The following RBFOX1 variants were observed in gnomAD, a reference collection of about 807,000 sequenced individuals.
The protein encoded by RBFOX1 is RNA binding fox-1 homolog 1.
RBFOX1 carries 8 observed loss-of-function variants against 57.7 expected under a neutral mutation model. That is an observed-to-expected ratio of 0.14 (90% confidence interval 0.08 to 0.25). RBFOX1 has a LOEUF of 0.25. RBFOX1 is among the 10% of genes least tolerant of loss of function. The pLI, the probability that RBFOX1 is intolerant of heterozygous loss-of-function variation, is 1.00. For missense variants in RBFOX1, 611 were observed against 548.5 expected (o/e 1.11, Z -1.14); for synonymous variants, 326 against 222.4 (o/e 1.47, Z -4.15).
intron 3 of RBFOX1, among the ~76,000 whole-genome samples, chr16:5,856,485 C>T (rs1191061953): frequency 1.5e-5 from 2 of 132,926 alleles, no homozygotes; most frequent in African/African-American, 5.6e-5. Context: ...GCTTATCCTA[C>T]GTAACTGAAA....
At chr16:7,319,762 G>C (rs2096511316) in intron 4 of RBFOX1, among the ~76,000 whole-genome samples, 2 of 152,132 alleles carry the variant, frequency 1.3e-5, no homozygotes, top group African/African-American at 4.8e-5. Context: ...AGTAGGATTT[G>C]GGATCGGGCA....
At chr16:7,374,224 A>G (rs1043033577) in intron 4 of RBFOX1, among the ~76,000 whole-genome samples, 1 of 152,092 alleles carries the variant, frequency 6.6e-6, no homozygotes, top group African/African-American at 2.4e-5. Flanking sequence ...GGGGTCAAAT[A>G]TTTACCATCC....
At chr16:6,110,195 C>CTTT (rs3049169) in intron 1 of RBFOX1, among the ~76,000 whole-genome samples, 4,256 of 128,190 alleles carry the variant, frequency 0.033, 173 homozygotes, top group African/African-American at 0.086. Flanking sequence ...TTTTCTTCTT[C>CTTT]TTTTTTTTTT....
intron 4 of RBFOX1, among the ~76,000 whole-genome samples, chr16:7,064,635 G>A (rs575132292): frequency 1.3e-5 from 2 of 152,248 alleles, no homozygotes; most frequent in African/African-American, 4.8e-5. Flanking sequence ...AGCACTGTGG[G>A]GAAGTAAATT....
intron 2 of RBFOX1, among the ~76,000 whole-genome samples, chr16:6,326,870 C>A (rs1375889431): frequency 6.6e-6 from 1 of 152,186 alleles, no homozygotes; most frequent in African/African-American, 2.4e-5. Flanking sequence ...ACAGCCGGTG[C>A]AGGTGTGGCT....
chr16:6,220,182 G>T (rs1310939643), intron 1 of RBFOX1, among the ~76,000 whole-genome samples: 1 of 151,874 alleles, frequency 6.6e-6, no homozygotes, highest in Non-Finnish European at 1.5e-5. Flanking sequence ...ATACATCTCT[G>T]TGTGTCTGTG....
At chr16:6,669,380 T>A (rs1170101279) in intron 3 of RBFOX1, among the ~76,000 whole-genome samples, 1 of 152,196 alleles carries the variant, frequency 6.6e-6, no homozygotes, top group African/African-American at 2.4e-5. Context: ...TATTTTTGCA[T>A]AAAGCCATAA....
At chr16:5,353,869 G>A (rs1338274419) in intron 1 of RBFOX1, among the ~76,000 whole-genome samples, 4 of 152,104 alleles carry the variant, frequency 2.6e-5, no homozygotes, top group Admixed American at 2.6e-4. Flanking sequence ...ACAAGACATG[G>A]CCTTTGCTCT....
At chr16:7,155,989 T>G (rs2077033794) in intron 4 of RBFOX1, among the ~76,000 whole-genome samples, 1 of 151,182 alleles carries the variant, frequency 6.6e-6, no homozygotes, top group African/African-American at 2.4e-5. Context: ...TACAGATATG[T>G]TTTATATATA....
intron 1 of RBFOX1, among the ~76,000 whole-genome samples, chr16:5,415,192 T>C (rs1239382745): frequency 1.3e-5 from 2 of 152,106 alleles, no homozygotes; most frequent in African/African-American, 4.8e-5. Context: ...TAACTTGCAG[T>C]TCTATGTGGC....
chr16:7,630,660 G>T lies in RBFOX1; in HGVS notation c.734G>T (p.Ser245Ile). ...GGATCTTCCATGTACAGTGCCCCCA[G>T]TTCACTTGTATATACTTCTGCAAGT... ...QEGSSMYSAP[S>I]SLVYTSAMPG... Residue 245 changes from serine to isoleucine, a missense_variant, in exon 11 of 16, where the codon AGT becomes ATT. Ser to Ile is a moderately radical substitution (Grantham distance 142). Around this residue, in one of 3 missense-constraint regions of RBFOX1, gnomAD observed 267 missense variants for 229.1 expected, o/e 1.17. Transcript: ENST00000550418. 2 of 1,614,130 alleles carry T rather than the reference G, an allele frequency of 1.2e-6. No homozygotes were observed. Among genetic ancestry groups the T allele is most frequent in the South Asian group, 1.1e-5 (1 of 91,082 alleles).
At chr16:6,417,574 G>T (rs1168370182) in intron 2 of RBFOX1, among the ~76,000 whole-genome samples, 3 of 150,234 alleles carry the variant, frequency 2.0e-5, no homozygotes, top group Non-Finnish European at 4.4e-5. Context: ...ATATGTAGTA[G>T]AGACGGGGTT....
chr16:6,234,585 C>G (rs1365668619), intron 1 of RBFOX1, among the ~76,000 whole-genome samples: 1 of 152,120 alleles, frequency 6.6e-6, no homozygotes, highest in African/African-American at 2.4e-5. Context: ...GGGGTTGGTA[C>G]TTTCTGTGTC....
chr16:6,706,780 C>G (rs2062829630), intron 3 of RBFOX1, among the ~76,000 whole-genome samples: 1 of 149,414 alleles, frequency 6.7e-6, no homozygotes, highest in Non-Finnish European at 1.5e-5. Flanking sequence ...CCAGAGCTGA[C>G]ATATTCTTAG....
At chr16:6,545,752 C>G (rs542115027) in intron 2 of RBFOX1, among the ~76,000 whole-genome samples, 1 of 152,346 alleles carries the variant, frequency 6.6e-6, no homozygotes, top group African/African-American at 2.4e-5. Context: ...CATTTTCCCA[C>G]TTGAGGCTGA....
chr16:7,341,805 TCC>T (rs2096902526), intron 4 of RBFOX1, among the ~76,000 whole-genome samples: 2 of 138,354 alleles, frequency 1.4e-5, no homozygotes, highest in African/African-American at 5.3e-5. Flanking sequence ...CTTCCTTCCT[TCC>T]TTCCTTCCTT....
At chr16:6,753,256 G>C (rs1184883828) in intron 3 of RBFOX1, among the ~76,000 whole-genome samples, 1 of 152,188 alleles carries the variant, frequency 6.6e-6, no homozygotes, top group Admixed American at 6.5e-5. Flanking sequence ...TAAAATGCCA[G>C]TAGTAGAATA....
intron 4 of RBFOX1, among the ~76,000 whole-genome samples, chr16:5,994,844 C>A (rs1421710002): frequency 6.6e-6 from 1 of 152,144 alleles, no homozygotes; most frequent in Non-Finnish European, 1.5e-5. Context: ...GGCCAAGTGC[C>A]CAATGAGAAA....
chr16:7,459,578 C>G (rs2059169921), intron 4 of RBFOX1, among the ~76,000 whole-genome samples: 2 of 152,180 alleles, frequency 1.3e-5, no homozygotes, highest in Non-Finnish European at 2.9e-5. Flanking sequence ...GGAAAAGTTA[C>G]AGATATTGCA....
Sources: gnomAD v4.1 joint callset for allele counts (sites outside exome capture counted in the v4.1 genomes callset) on GRCh38, gnomAD v4.1.1 for gene constraint, gnomAD v4.1.1 regional missense constraint, MANE v1.5 for transcripts, NCBI Gene and HGNC (gene_info 2026-07-23, HGNC 2026-07-21) for gene names.